NDST4: variants seen among roughly 807,000 people sequenced by gnomAD.
NDST4 encodes the protein N-deacetylase and N-sulfotransferase 4, also known as N-heparan sulfate sulfotransferase 4.
In NDST4, 63 loss-of-function variants were observed where a neutral mutation model predicts 100.8. That is an observed-to-expected ratio of 0.62 (90% CI 0.51 to 0.77). The LOEUF (loss-of-function observed/expected upper bound fraction) is 0.77, where lower values mean the gene tolerates loss of function less well. NDST4 is among the 30% of genes least tolerant of loss of function. The pLI is 0.00. For synonymous variants in NDST4, 377 were observed against 361.8 expected (o/e 1.04, Z -0.48); for missense variants, 943 against 1,018.4 (o/e 0.93, Z 1.01).
intron 2 of NDST4, among the ~76,000 whole-genome samples, chr4:114,994,794 T>G (rs1441045886): frequency 6.6e-6 from 1 of 152,054 alleles, no homozygotes; most frequent in Non-Finnish European, 1.5e-5. Context: ...AAAACATTAA[T>G]GGCTTTCATT....
intron 2 of NDST4, among the ~76,000 whole-genome samples, chr4:115,040,256 A>G (rs1728322722): frequency 6.6e-6 from 1 of 150,582 alleles, no homozygotes; most frequent in African/African-American, 2.4e-5. Context: ...AGATCTAAAT[A>G]TATATCCAGT....
intron 2 of NDST4, among the ~76,000 whole-genome samples, chr4:115,066,061 C>T (rs1728938899): frequency 6.6e-6 from 1 of 152,096 alleles, no homozygotes; most frequent in South Asian, 2.1e-4. Context: ...TGTCTTGGTC[C>T]CCATTGTGTA....
chr4:114,909,382 C>A (rs184337807), intron 6 of NDST4, among the ~76,000 whole-genome samples: 2 of 152,008 alleles, frequency 1.3e-5, no homozygotes, highest in African/African-American at 2.4e-5. Context: ...AATTATTGGC[C>A]GGGCGCGGTG....
chr4:115,061,349 A>C (rs1728815335), intron 2 of NDST4, among the ~76,000 whole-genome samples: 1 of 152,152 alleles, frequency 6.6e-6, no homozygotes, highest in Non-Finnish European at 1.5e-5. Flanking sequence ...CACTATTTAC[A>C]ATAGCAAAGA....
At chr4:114,945,868 C>T (rs1465254566) in intron 4 of NDST4, among the ~76,000 whole-genome samples, 1 of 150,650 alleles carries the variant, frequency 6.6e-6, no homozygotes, top group Non-Finnish European at 1.5e-5. Context: ...ACTATGTGAC[C>T]CTGGAAATTG....
chr4:115,015,520 G>A (rs1428928459), intron 2 of NDST4, among the ~76,000 whole-genome samples: 2 of 152,014 alleles, frequency 1.3e-5, no homozygotes, highest in Non-Finnish European at 2.9e-5. Context: ...TCAGGCACTT[G>A]GAGGAAAAAT....
At chr4:115,042,846 T>C (rs928219817) in intron 2 of NDST4, among the ~76,000 whole-genome samples, 6 of 152,096 alleles carry the variant, frequency 3.9e-5, no homozygotes, top group Admixed American at 2.0e-4. Flanking sequence ...ACTTTGAGTG[T>C]CTTGGTAATT....
At chr4:114,955,143 G>A (rs747173888) in intron 4 of NDST4, among the ~76,000 whole-genome samples, 2 of 152,132 alleles carry the variant, frequency 1.3e-5, no homozygotes, top group Non-Finnish European at 1.5e-5. Flanking sequence ...ATGAAAAATG[G>A]TAGGAAGGGA....
chr4:114,884,487 G>A lies in NDST4; in HGVS notation c.1537-13537C>T, dbSNP rs924969425. On this transcript the variant is annotated intron_variant, in intron 6 of 13. Transcript: ENST00000264363. ...AGGTTTCAATGTAGCACATGTGAGA[G>A]TTCTCAACAAACATATAACCATACA... Among the ~76,000 whole-genome samples, 32 of 152,218 alleles carry A rather than the reference G, an allele frequency of 2.1e-4. 1 individual carries two copies. In the South Asian group the frequency reaches 5.0e-3, roughly 24 times the overall value.
intron 6 of NDST4, among the ~76,000 whole-genome samples, chr4:114,918,321 A>G (rs1725216990): frequency 6.8e-6 from 1 of 147,330 alleles, no homozygotes. Context: ...AGATGTTGTA[A>G]AAGTGTGTCA....
chr4:115,017,219 T>C lies in NDST4; in HGVS notation c.979-39945A>G, dbSNP rs186096334. Among the ~76,000 whole-genome samples the C allele has an allele frequency of 2.3e-3, 355 of 152,206 alleles. 3 individuals are homozygous for C. Among genetic ancestry groups the C allele is most frequent in the Admixed American group, 5.4e-3 (82 of 15,244 alleles). ...TATTATTAGGAAAGAACACACTGTT[T>C]AATAAAGCAAATTGACTTTTTAGAA... On this transcript the variant is annotated intron_variant, in intron 2 of 13. Coordinates refer to ENST00000264363, the MANE Select transcript of NDST4 (RefSeq NM_022569.3).
chr4:114,895,290 T>C (rs991397632), intron 6 of NDST4, among the ~76,000 whole-genome samples: 2 of 151,572 alleles, frequency 1.3e-5, no homozygotes, highest in African/African-American at 4.8e-5. Context: ...CAATTGAAAA[T>C]AATAAAGGGG....
rs538773333 is a variant in NDST4 at position 115,042,363 on chromosome 4, G to A, written c.978+33696C>T. The stretch of plus-strand genomic sequence containing the variant: ...CACCTGAAGCAGATGATTTTAGAAG[G>A]ATAAATTGTAGTCTACTGCTATGTC... On this transcript the variant is annotated intron_variant, in intron 2 of 13. Transcript: ENST00000264363. Among the ~76,000 whole-genome samples, 4 of 152,146 alleles carry A rather than the reference G, an allele frequency of 2.6e-5. No individual in the cohort carries two copies. The East Asian group carries it at 7.7e-4, about 29-fold the overall frequency.
chr4:115,013,343 T>C (rs1434304479), intron 2 of NDST4, among the ~76,000 whole-genome samples: 4 of 12,430 alleles, frequency 3.2e-4, no homozygotes, highest in South Asian at 2.9e-3. Flanking sequence ...AAAATATAAA[T>C]ACCATATATA....
chr4:115,084,918 G>A (rs1251634581), intron 1 of NDST4, among the ~76,000 whole-genome samples: 2 of 152,082 alleles, frequency 1.3e-5, no homozygotes, highest in African/African-American at 4.8e-5. Flanking sequence ...TTAGTGAGAA[G>A]AGGGCCAGCA....
intron 6 of NDST4, among the ~76,000 whole-genome samples, chr4:114,902,936 A>G (rs1724876582): frequency 1.3e-5 from 2 of 152,008 alleles, no homozygotes; most frequent in African/African-American, 4.8e-5. Flanking sequence ...TAGAATTTCC[A>G]TCTCTTATAT....
At chr4:114,923,026 G>T (rs770387932) in intron 6 of NDST4, among the ~76,000 whole-genome samples, 43 of 152,172 alleles carry the variant, frequency 2.8e-4, no homozygotes, top group Non-Finnish European at 5.9e-4. Flanking sequence ...AGTGAGAGTA[G>T]TAGAGATATT....
At chr4:114,928,440 C>T (rs1725428274) in intron 6 of NDST4, among the ~76,000 whole-genome samples, 1 of 152,142 alleles carries the variant, frequency 6.6e-6, no homozygotes, top group Non-Finnish European at 1.5e-5. Context: ...AGAAAAAATC[C>T]AAGTGTGAAT....
chr4:114,947,385 G>A (rs1725889813), intron 4 of NDST4, among the ~76,000 whole-genome samples: 1 of 152,136 alleles, frequency 6.6e-6, no homozygotes, highest in African/African-American at 2.4e-5. Flanking sequence ...AAGAGTGAGG[G>A]ACAACAAAGA....
Sources: allele counts gnomAD v4.1 joint callset (sites outside exome capture counted in the v4.1 genomes callset), GRCh38; gene constraint gnomAD v4.1.1; transcripts MANE v1.5; gene names NCBI Gene and HGNC (gene_info 2026-07-23, HGNC 2026-07-21).